NTM: variants seen among roughly 807,000 people sequenced by gnomAD.
The protein encoded by NTM is neurotrimin, also known as IgLON family member 2.
NTM carries 13 observed loss-of-function variants against 42.1 expected under a neutral mutation model. The observed-to-expected ratio is 0.31, with a 90% CI of 0.20 to 0.49. The LOEUF (loss-of-function observed/expected upper bound fraction) is 0.49. NTM is among the 20% of genes least tolerant of loss of function. The pLI is 0.99. For missense variants in NTM, 373 were observed against 452.8 expected (o/e 0.82, Z 1.60); for synonymous variants, 187 against 179.2 (o/e 1.04, Z -0.35).
chr11:131,598,547 G>A (rs532967601), intron 1 of NTM, among the ~76,000 whole-genome samples: 24 of 152,050 alleles, frequency 1.6e-4, no homozygotes, highest in African/African-American at 3.6e-4. Flanking sequence ...CACTCGGGGC[G>A]GAGAGCTCCC....
intron 1 of NTM, among the ~76,000 whole-genome samples, chr11:131,736,672 G>A (rs2080488001): frequency 6.6e-6 from 1 of 152,092 alleles, no homozygotes; most frequent in Non-Finnish European, 1.5e-5. Flanking sequence ...AGGCAGCCAA[G>A]GACACAATAA....
intron 4 of NTM, among the ~76,000 whole-genome samples, chr11:132,273,632 C>T (rs953669157): frequency 2.0e-5 from 3 of 152,004 alleles, no homozygotes; most frequent in Admixed American, 6.6e-5. Context: ...CTTGGCTGGG[C>T]GTGGTGGCTC....
intron 1 of NTM, among the ~76,000 whole-genome samples, chr11:131,547,751 G>A (rs1487678553): frequency 6.6e-6 from 1 of 152,118 alleles, no homozygotes; most frequent in Admixed American, 6.5e-5. Context: ...CAAAGAGTTC[G>A]CTTTTAGTTC....
intron 1 of NTM, among the ~76,000 whole-genome samples, chr11:131,583,238 C>G (rs2058572916): frequency 6.6e-6 from 1 of 152,166 alleles, no homozygotes; most frequent in Admixed American, 6.5e-5. Flanking sequence ...AGAGAAGCCT[C>G]TCTGCACCTT....
intron 1 of NTM, among the ~76,000 whole-genome samples, chr11:131,645,484 T>C (rs2134271651): frequency 6.6e-6 from 1 of 152,298 alleles, no homozygotes; most frequent in East Asian, 1.9e-4. Context: ...ACATGCTAAA[T>C]AGGGAAAGGA....
At chr11:131,786,956 A>G (rs1285418686) in intron 1 of NTM, among the ~76,000 whole-genome samples, 2 of 152,192 alleles carry the variant, frequency 1.3e-5, no homozygotes, top group African/African-American at 2.4e-5. Context: ...GTGGAATTAT[A>G]TAAACTCTGG....
chr11:131,982,439 G>A (rs1330440661), intron 2 of NTM, among the ~76,000 whole-genome samples: 1 of 152,142 alleles, frequency 6.6e-6, no homozygotes, highest in Non-Finnish European at 1.5e-5. Flanking sequence ...GACACGAGAG[G>A]TGGGATGAGG....
At chr11:132,048,485 T>A (rs1222152219) in intron 2 of NTM, among the ~76,000 whole-genome samples, 2 of 152,198 alleles carry the variant, frequency 1.3e-5, no homozygotes, top group Non-Finnish European at 2.9e-5. Flanking sequence ...GCTTTTCTTG[T>A]GTTCACCTCT....
intron 1 of NTM, among the ~76,000 whole-genome samples, chr11:131,768,767 G>T (rs550899947): frequency 1.3e-5 from 2 of 152,238 alleles, no homozygotes; most frequent in South Asian, 4.2e-4. Context: ...GAACTCTATT[G>T]TTATTATTAT....
intron 1 of NTM, among the ~76,000 whole-genome samples, chr11:131,564,993 C>T (rs972531448): frequency 7.9e-5 from 12 of 152,354 alleles, no homozygotes; most frequent in Admixed American, 3.9e-4. Context: ...TCACCTACAC[C>T]GCCATGCGGT....
intron 2 of NTM, among the ~76,000 whole-genome samples, chr11:132,004,929 G>A (rs1299301467): frequency 6.6e-6 from 1 of 152,154 alleles, no homozygotes; most frequent in East Asian, 1.9e-4. Flanking sequence ...ATTTAGAATG[G>A]ATGATATTTG....
In NTM at chr11:131,831,598, A is replaced by T. The variant is rs140267208; in HGVS notation, c.83-79966A>T. ...TTGTACAGTGTTCATGCCACTGCTTAAAACTTCCCAGTCCCAAATTACTAA... is the reference window on the plus strand; with the variant it reads ...TTGTACAGTGTTCATGCCACTGCTTTAAACTTCCCAGTCCCAAATTACTAA... On this transcript the variant is annotated intron_variant, in intron 1 of 8. Transcript: ENST00000683400. Among the ~76,000 whole-genome samples the T allele has an allele frequency of 8.1e-4, 124 of 152,308 alleles. 1 individual carries two copies. Among genetic ancestry groups the T allele is most frequent in the African/African-American group, 2.9e-3 (119 of 41,558 alleles).
At chr11:132,086,298 T>G (rs2059696555) in intron 2 of NTM, among the ~76,000 whole-genome samples, 1 of 129,022 alleles carries the variant, frequency 7.8e-6, no homozygotes, top group Non-Finnish European at 1.5e-5. Flanking sequence ...CACTCCAGCT[T>G]GGATGACAGA....
intron 2 of NTM, among the ~76,000 whole-genome samples, chr11:132,081,103 A>C (rs1440423097): frequency 1.3e-5 from 2 of 152,228 alleles, no homozygotes; most frequent in African/African-American, 2.4e-5. Context: ...GTAGTCCCTC[A>C]AATGAGGAAG....
chr11:131,817,519 C>T (rs994648461), intron 1 of NTM, among the ~76,000 whole-genome samples: 1 of 152,194 alleles, frequency 6.6e-6, no homozygotes, highest in Admixed American at 6.5e-5. Context: ...CTCAGGGGCT[C>T]CTCTCCCAGC....
At chr11:132,228,909 T>C (rs180993405) in intron 4 of NTM, among the ~76,000 whole-genome samples, 5 of 152,262 alleles carry the variant, frequency 3.3e-5, no homozygotes, top group Non-Finnish European at 5.9e-5. Flanking sequence ...CCCACTGCAC[T>C]GTTGTCATGC....
intron 2 of NTM, among the ~76,000 whole-genome samples, chr11:131,979,400 GT>G (rs2134869179): frequency 6.6e-6 from 1 of 152,300 alleles, no homozygotes; most frequent in South Asian, 2.1e-4. Flanking sequence ...ATTTCTTGAG[GT>G]TTAGATAAAC....
rs73593373 is a variant in NTM, at chr11:132,134,502, A to C, written c.168-11780A>C. 9.3e-3 allele frequency among the ~76,000 whole-genome samples: 1,408 copies of C among 151,414 alleles called. 19 individuals are homozygous for C. Among genetic ancestry groups the C allele is most frequent in the African/African-American group, 0.032 (1,329 of 41,326 alleles). ...CCCTGACCTTTTTCCCTGAGGCCCC[A>C]AAAAACAATGTATCATTCTTATGCC... On this transcript the variant is annotated intron_variant, in intron 2 of 8. Transcript: ENST00000683400.
At chr11:131,426,374 C>A (rs1948137979) in intron 1 of NTM, among the ~76,000 whole-genome samples, 1 of 152,118 alleles carries the variant, frequency 6.6e-6, no homozygotes, top group African/African-American at 2.4e-5. Context: ...TGCATCCCCA[C>A]AAGGGCACGA....
Sources: gnomAD v4.1 joint callset for allele counts (sites outside exome capture counted in the v4.1 genomes callset) on GRCh38, gnomAD v4.1.1 for gene constraint, MANE v1.5 for transcripts, NCBI Gene and HGNC (gene_info 2026-07-23, HGNC 2026-07-21) for gene names.